CYTH2: variants seen among roughly 807,000 people sequenced by gnomAD.
CYTH2 encodes cytohesin 2, also known as cytohesin-2.
CYTH2 carries 24 observed loss-of-function variants against 55.4 expected under a neutral mutation model. That is an observed-to-expected ratio of 0.43 (90% CI 0.31 to 0.61). The LOEUF (loss-of-function observed/expected upper bound fraction) is 0.61. Among genes scored for constraint, CYTH2 ranks in the 20% least tolerant of loss-of-function variants. CYTH2 has a pLI of 0.08. For synonymous variants in CYTH2, 221 were observed against 209.6 expected (o/e 1.05, Z -0.47); for missense variants, 378 against 533.5 (o/e 0.71, Z 2.87).
intron 3 of CYTH2, among the ~76,000 whole-genome samples, chr19:48,471,300 C>T (rs190907289): frequency 6.6e-6 from 1 of 152,184 alleles, no homozygotes; most frequent in East Asian, 1.9e-4. Flanking sequence ...TACAGGCTCC[C>T]ACCACCATGC....
chr19:48,471,879 A>C (rs1971804280), intron 3 of CYTH2, among the ~76,000 whole-genome samples: 1 of 152,142 alleles, frequency 6.6e-6, no homozygotes, highest in Non-Finnish European at 1.5e-5. Context: ...GTGATAACTC[A>C]TCTCTAGAAA....
At position 48,480,849 on chromosome 19, in the gene CYTH2, T is replaced by G. The variant is rs948562599; in HGVS notation, c.*1639T>G. ...CACTATGTCACCCTTTCCTGCCGCC[T>G]CCCCGGATGAACTGCATGCAGGGCG... On this transcript the variant is annotated 3_prime_UTR_variant, in exon 12 of 12. Transcript: ENST00000452733. The G allele has an allele frequency of 6.6e-6, 1 of 152,124 alleles. No homozygotes were observed. The highest frequency in any genetic ancestry group is 1.5e-5 in the Non-Finnish European group (1 of 68,018). The allele number at this position is 152,124 out of a possible 1,614,324, so 9.4% of individuals were successfully genotyped here.
At chr19:48,470,766 T>C in intron 3 of CYTH2, 97 bp downstream of exon 3, 2 of 1,367,800 alleles carry the variant, frequency 1.5e-6, no homozygotes, top group Middle Eastern at 1.8e-4. Context: ...GCCGGGTCTA[T>C]TCTAGGTGGA....
At chr19:48,470,826 TCTGAACA>T (rs995832765) in intron 3 of CYTH2, among the ~76,000 whole-genome samples, 157 bp downstream of exon 3, 4 of 152,260 alleles carry the variant, frequency 2.6e-5, no homozygotes, top group Admixed American at 2.0e-4. Flanking sequence ...CCATTTGTTT[TCTGAACA>T]CTGAACACTG....
intron 8 of CYTH2, chr19:48,476,104 A>G (rs1569090950): frequency 8.2e-6 from 4 of 484,914 alleles, no homozygotes; most frequent in Non-Finnish European, 1.7e-5. Context: ...CCAGGGCATC[A>G]CCACCTCAAC....
rs568964709 is a variant in CYTH2, at chr19:48,479,437, T to C, written c.*227T>C. 3.1e-5 allele frequency: 16 copies of C among 519,946 alleles called. No homozygotes were observed. The East Asian group carries it at 3.3e-4, about 11-fold the overall frequency. 32.2% of individuals were successfully genotyped at this position (519,946 alleles called of 1,614,324 possible). ...GGGTTGACAGAGTCGAGGTGCTCCGTGGAGCCAGCCTGTTTCCCTGGACAG... is the reference window on the plus strand; with the variant it reads ...GGGTTGACAGAGTCGAGGTGCTCCGCGGAGCCAGCCTGTTTCCCTGGACAG... On this transcript the variant is annotated 3_prime_UTR_variant, in exon 12 of 12. Coordinates refer to ENST00000452733, the MANE Select transcript of CYTH2 (RefSeq NM_004228.7).
chr19:48,470,213 C>A, intron 1 of CYTH2, 140 bp from the exon 2 acceptor site: 2 of 1,283,210 alleles, frequency 1.6e-6, no homozygotes, highest in Non-Finnish European at 2.2e-6. Context: ...AGGGAGGAAT[C>A]CAGGCCCCCA....
chr19:48,469,659 T>C, intron 1 of CYTH2, 133 bp downstream of exon 1: 1 of 1,310,284 alleles, frequency 7.6e-7, no homozygotes, highest in Non-Finnish European at 1.0e-6. Flanking sequence ...TCGCGCCGCT[T>C]TTGTTGGGCG....
Position 48,470,589 on chromosome 19 carries a change from C to A in CYTH2, c.168-14C>A. 2 of 1,614,230 alleles carry A rather than the reference C, an allele frequency of 1.2e-6. No homozygotes were observed. The highest frequency in any genetic ancestry group is 1.7e-6 in the Non-Finnish European group (2 of 1,180,040). On this transcript the variant is annotated splice_polypyrimidine_tract_variant and intron_variant, in intron 2 of 11. Transcript: ENST00000452733. ...TTGACCCTCCACCCCCAACCCTGCT[C>A]TCTGCTCCTGCAGTAAGACCTTGCA...
chr19:48,479,323 T>C lies in CYTH2; in HGVS notation c.*113T>C, dbSNP rs1972006907. On this transcript the variant is annotated 3_prime_UTR_variant, in exon 12 of 12. Transcript: ENST00000452733. The stretch of plus-strand genomic sequence containing the variant: ...CCCTGTTTGGAAAATTCACCACCTC[T>C]AGCTCCTCACTGTTCTTTGTAATTA... 1 of 983,788 alleles carries C rather than the reference T, an allele frequency of 1.0e-6. No individual in the cohort carries two copies. The highest frequency in any genetic ancestry group is 1.6e-5 in the African/African-American group (1 of 61,874). The allele number at this position is 983,788 out of a possible 1,614,324, so 60.9% of individuals were successfully genotyped here.
chr19:48,470,699 T>A (rs775785264), intron 3 of CYTH2, 30 bp downstream of exon 3: 1 of 1,613,928 alleles, frequency 6.2e-7, no homozygotes, highest in Admixed American at 1.7e-5. Context: ...TGGGATCAGC[T>A]GGGCAAACAT....
At position 48,470,515 on chromosome 19, in the gene CYTH2, G is replaced by A. The variant is rs778693146; in HGVS notation, c.167+15G>A. ...AATGAGGGCAGGTGAGGGCTGGGGC[G>A]GATGACCTAGGGGGCGTGGGGTTGG... On this transcript the variant is annotated intron_variant, in intron 2 of 11. Transcript: ENST00000452733. 16 of 1,613,366 alleles carry A rather than the reference G, an allele frequency of 9.9e-6. No individual in the cohort carries two copies. Among genetic ancestry groups the A allele is most frequent in the South Asian group, 9.9e-5 (9 of 91,014 alleles).
chr19:48,474,153 G>T lies in CYTH2; in HGVS notation c.548-29G>T. ...GGGCACTGGGGACTGACATGCCTGG[G>T]TCGTCACCACCTGCCCTGTCCGGTG... On this transcript the variant is annotated intron_variant, in intron 6 of 11. Coordinates refer to ENST00000452733, the MANE Select transcript of CYTH2 (RefSeq NM_004228.7). This position sits in a 1 kb window ranked among gnomAD's most constrained non-coding sequence, Gnocchi z 4.9. 1.9e-6 allele frequency: 3 copies of T among 1,561,810 alleles called. No homozygotes were observed. Among genetic ancestry groups the T allele is most frequent in the Non-Finnish European group, 2.6e-6 (3 of 1,152,532 alleles).
intron 11 of CYTH2, 89 bp downstream of exon 11, chr19:48,478,681 G>A: frequency 1.4e-6 from 1 of 691,566 alleles, no homozygotes; most frequent in South Asian, 2.0e-5. Flanking sequence ...CTGGATGCCT[G>A]GGTCTGATGG....
chr19:48,477,810 A>T, intron 8 of CYTH2: 2 of 499,422 alleles, frequency 4.0e-6, no homozygotes, highest in South Asian at 6.5e-5. Context: ...TGCCCACAGG[A>T]GGAGGGGGCT....
chr19:48,470,759 G>C, intron 3 of CYTH2, 90 bp downstream of exon 3: 1 of 1,438,670 alleles, frequency 7.0e-7, no homozygotes, highest in Non-Finnish European at 9.7e-7. Flanking sequence ...TGATGGTGCC[G>C]GGTCTATTCT....
At position 48,478,115 on chromosome 19, in the gene CYTH2, C is replaced by T. The variant is rs370810265; in HGVS notation, c.855C>T (p.Asp285=). 8.8e-5 allele frequency: 142 copies of T among 1,614,026 alleles called. No individual in the cohort carries two copies. The highest frequency in any genetic ancestry group is 1.2e-4 in the Non-Finnish European group (141 of 1,180,002). The change falls in exon 9 of 12, where the codon GAC becomes GAT. Residue 285 remains aspartate (D), a synonymous_variant. Coordinates refer to ENST00000452733, the MANE Select transcript of CYTH2 (RefSeq NM_004228.7). ...TWKRRWFILT[D]NCLYYFEYTT... ...AGCGGCGCTGGTTTATCCTCACAGA[C>T]AACTGCCTCTACTACTTTGAGTACA...
At chr19:48,469,930 A>G (rs1971753938) in intron 1 of CYTH2, 3 of 559,854 alleles carry the variant, frequency 5.4e-6, no homozygotes, top group African/African-American at 3.7e-5. Context: ...CTGAGCTGTC[A>G]TCAGTTCCCC....
intron 5 of CYTH2, 200 bp downstream of exon 5, chr19:48,473,578 G>A (rs1971847163): frequency 1.6e-6 from 1 of 617,858 alleles, no homozygotes; most frequent in Non-Finnish European, 2.8e-6. Flanking sequence ...AGCTCAAATG[G>A]TGGTCAGAAA....
Sources: allele counts gnomAD v4.1 joint callset (sites outside exome capture counted in the v4.1 genomes callset), GRCh38; gene constraint gnomAD v4.1.1; non-coding constraint Gnocchi (gnomAD v3.1); transcripts MANE v1.5; gene names NCBI Gene and HGNC (gene_info 2026-07-23, HGNC 2026-07-21).